AGMO: variants seen among roughly 807,000 people sequenced by gnomAD.
The protein encoded by AGMO is alkylglycerol monooxygenase.
Under a neutral mutation model 60.2 loss-of-function variants are expected in AGMO, and 75 were observed. The ratio of observed to expected loss-of-function variants is 1.25; its 90% CI spans 1.03 to 1.51. The LOEUF is 1.51. Ranked by LOEUF, AGMO falls within the 40% of genes most tolerant of loss-of-function variation. The pLI, the probability that AGMO is intolerant of heterozygous loss-of-function variation, is 0.00. For missense variants in AGMO, 763 were observed against 525.5 expected, an observed-to-expected ratio of 1.45 and a Z score of -4.42; for synonymous variants, 261 against 177.1, an observed-to-expected ratio of 1.47 and a Z score of -3.76.
In AGMO at chr7:15,538,602, G is replaced by C. The variant is rs543550843; in HGVS notation, c.409+6170C>G. ...ATAGCAAAGAGTTACAAAAATCTTA[G>C]GTATATTCTGGTATCAAAAAAGAAA... On this transcript the variant is annotated intron_variant, in intron 3 of 12. Coordinates refer to ENST00000342526, the MANE Select transcript of AGMO (RefSeq NM_001004320.2). Among the ~76,000 whole-genome samples the C allele has an allele frequency of 1.4e-4, 21 of 152,050 alleles. No individual in the cohort carries two copies. The East Asian group carries it at 3.5e-3, about 25-fold the overall frequency.
intron 3 of AGMO, among the ~76,000 whole-genome samples, chr7:15,486,728 T>C (rs1402838210): frequency 6.6e-6 from 1 of 152,098 alleles, no homozygotes; most frequent in African/African-American, 2.4e-5. Flanking sequence ...TCTAAGAATA[T>C]ACTTTTTAAT....
At chr7:15,541,381 A>T (rs1784628106) in intron 3 of AGMO, among the ~76,000 whole-genome samples, 1 of 152,142 alleles carries the variant, frequency 6.6e-6, no homozygotes, top group South Asian at 2.1e-4. Context: ...CAGCCTCCCA[A>T]AGTGCTGGGA....
intron 10 of AGMO, among the ~76,000 whole-genome samples, chr7:15,372,802 T>G (rs868593781): frequency 1.3e-5 from 2 of 152,356 alleles, no homozygotes; most frequent in Middle Eastern, 3.4e-3. Flanking sequence ...GGTTTATCTT[T>G]CATATAAAGT....
chr7:15,515,800 T>A (rs959095257), intron 3 of AGMO, among the ~76,000 whole-genome samples: 2 of 152,236 alleles, frequency 1.3e-5, no homozygotes, highest in African/African-American at 4.8e-5. Flanking sequence ...TGTTATTTCT[T>A]CAACAGTTTT....
chr7:15,385,378 G>T, intron 10 of AGMO, 68 bp downstream of exon 10: 2 of 1,073,102 alleles, frequency 1.9e-6, no homozygotes, highest in Non-Finnish European at 2.8e-6. Context: ...AATATGGGGA[G>T]CTTATTTTCA....
At chr7:15,373,058 G>A (rs1783281155) in intron 10 of AGMO, among the ~76,000 whole-genome samples, 1 of 152,146 alleles carries the variant, frequency 6.6e-6, no homozygotes, top group Admixed American at 6.5e-5. Context: ...GAGGCCAGGA[G>A]TTCGAGACCA....
chr7:15,505,309 T>C (rs1289598739), intron 3 of AGMO, among the ~76,000 whole-genome samples: 1 of 152,012 alleles, frequency 6.6e-6, no homozygotes, highest in Non-Finnish European at 1.5e-5. Context: ...GTATAGATGA[T>C]GGGCCATATA....
At chr7:15,298,415 G>A (rs1784465210) in intron 12 of AGMO, among the ~76,000 whole-genome samples, 2 of 151,980 alleles carry the variant, frequency 1.3e-5, no homozygotes, top group South Asian at 4.2e-4. Flanking sequence ...TTGTTTTTGA[G>A]ACAGGGTCTC....
chr7:15,163,128 G>A, the AGMO span, among the ~76,000 whole-genome samples: 1 of 152,196 alleles, frequency 6.6e-6, no homozygotes, highest in East Asian at 1.9e-4. Context: ...CAGCTTGAAG[G>A]TTATTGGTGT....
intron 12 of AGMO, among the ~76,000 whole-genome samples, chr7:15,344,107 TTTC>T (rs759529491): frequency 3.3e-5 from 5 of 152,112 alleles, no homozygotes; most frequent in Admixed American, 6.6e-5. Context: ...AAATCAAGAA[TTTC>T]TTGATTACTC....
intron 4 of AGMO, among the ~76,000 whole-genome samples, chr7:15,419,674 G>GT (rs34482531): frequency 0.018 from 2,697 of 149,928 alleles, 62 homozygotes; most frequent in African/African-American, 0.041. Flanking sequence ...TAAGTAGAAT[G>GT]TTTTTTTTTT....
intron 12 of AGMO, among the ~76,000 whole-genome samples, chr7:15,321,973 A>G (rs768527207): frequency 6.6e-6 from 1 of 152,010 alleles, no homozygotes; most frequent in Admixed American, 6.6e-5. Flanking sequence ...AAATTCATTA[A>G]AAATGAAAAT....
chr7:15,311,466 A>T (rs1042972961), intron 12 of AGMO, among the ~76,000 whole-genome samples: 5 of 152,022 alleles, frequency 3.3e-5, no homozygotes, highest in African/African-American at 4.8e-5. Flanking sequence ...AAAGTTGCTT[A>T]GGCCTGAGCA....
intron 12 of AGMO, among the ~76,000 whole-genome samples, chr7:15,344,112 T>G (rs1292436007): frequency 6.6e-6 from 1 of 152,182 alleles, no homozygotes; most frequent in Non-Finnish European, 1.5e-5. Context: ...AAGAATTTCT[T>G]GATTACTCAT....
intron 12 of AGMO, among the ~76,000 whole-genome samples, chr7:15,207,044 T>C (rs997761086): frequency 6.6e-6 from 1 of 152,166 alleles, no homozygotes; most frequent in Non-Finnish European, 1.5e-5. Context: ...TAAGAAAGTG[T>C]GCATCCTTTT....
At chr7:15,219,926 T>C (rs62448951) in intron 12 of AGMO, among the ~76,000 whole-genome samples, 3,552 of 152,232 alleles carry the variant, frequency 0.023, 89 homozygotes, top group Middle Eastern at 0.075. Context: ...TTATTACATG[T>C]TTCCTGCACA....
At chr7:15,322,468 ATATATAAATAT>A (rs1563086014) in intron 12 of AGMO, among the ~76,000 whole-genome samples, 1 of 44,536 alleles carries the variant, frequency 2.2e-5, no homozygotes, top group African/African-American at 5.4e-5. Flanking sequence ...ATATATATAA[ATATATAAATAT>A]ATATATAAAT....
At chr7:15,325,678 G>T (rs1013927836) in intron 12 of AGMO, among the ~76,000 whole-genome samples, 5 of 152,022 alleles carry the variant, frequency 3.3e-5, no homozygotes, top group African/African-American at 1.2e-4. Context: ...AAAGCAAAAT[G>T]CTTAAACTGA....
chr7:15,318,980 C>T, intron 12 of AGMO, among the ~76,000 whole-genome samples: 1 of 152,110 alleles, frequency 6.6e-6, no homozygotes, highest in East Asian at 1.9e-4. Context: ...AATGCTATCT[C>T]CCTTTGTCTT....
Sources: allele counts gnomAD v4.1 joint callset (sites outside exome capture counted in the v4.1 genomes callset), GRCh38; gene constraint gnomAD v4.1.1; transcripts MANE v1.5; gene names NCBI Gene and HGNC (gene_info 2026-07-23, HGNC 2026-07-21).